Variants in FGF14 observed in about 807,000 individuals in gnomAD.
FGF14 encodes fibroblast growth factor homologous factor 4.
Under a neutral mutation model 25.5 loss-of-function variants are expected in FGF14, and 5 were observed. That is an observed-to-expected ratio of 0.20 (90% CI 0.10 to 0.41). FGF14 has a LOEUF of 0.41. Among genes scored for constraint, FGF14 ranks in the 10% least tolerant of loss-of-function variants. The pLI is 1.00. For synonymous variants in FGF14, 138 were observed against 118.3 expected, an observed-to-expected ratio of 1.17 and a Z score of -1.08; for missense variants, 222 against 320.1, an observed-to-expected ratio of 0.69 and a Z score of 2.34.
intron 1 of FGF14, among the ~76,000 whole-genome samples, chr13:102,305,294 T>TA (rs1255029294): frequency 3.3e-5 from 5 of 151,966 alleles, no homozygotes; most frequent in South Asian, 2.1e-4. Context: ...CTAACTAATT[T>TA]AAAAAAACAG....
intron 1 of FGF14, among the ~76,000 whole-genome samples, chr13:101,896,528 G>A (rs2030703404): frequency 6.6e-6 from 1 of 152,190 alleles, no homozygotes. Flanking sequence ...AAAACATAAT[G>A]AGAGGCAGCA....
chr13:102,346,299 A>G (rs2057103874), intron 1 of FGF14, among the ~76,000 whole-genome samples: 1 of 152,204 alleles, frequency 6.6e-6, no homozygotes, highest in Admixed American at 6.5e-5. Context: ...GGCTATTATA[A>G]ATATGTTCTA....
chr13:101,936,274 T>C (rs576390827), intron 1 of FGF14, among the ~76,000 whole-genome samples: 86 of 152,260 alleles, frequency 5.6e-4, no homozygotes, highest in Middle Eastern at 3.4e-3. Flanking sequence ...GGTCAAGAAG[T>C]GAAAAGAATT....
chr13:102,093,147 A>G lies in FGF14; in HGVS notation c.209-217851T>C, dbSNP rs561731923. Among the ~76,000 whole-genome samples the G allele has an allele frequency of 2.0e-4, 30 of 152,296 alleles. 2 individuals are homozygous for G. The South Asian group carries it at 6.2e-3, about 32-fold the overall frequency. On this transcript the variant is annotated intron_variant, in intron 1 of 4. Coordinates refer to the FGF14 transcript ENST00000376131. Reference sequence around the variant, plus strand: ...TTAGAAAAATTTGTGGAGATTTGTGAAAATTTGCAAAAACATGCAGAGAAA... The same window carrying G: ...TTAGAAAAATTTGTGGAGATTTGTGGAAATTTGCAAAAACATGCAGAGAAA...
chr13:102,203,230 A>G (rs761517517), intron 1 of FGF14, among the ~76,000 whole-genome samples: 1 of 152,238 alleles, frequency 6.6e-6, no homozygotes, highest in Non-Finnish European at 1.5e-5. Flanking sequence ...TGCATCTCCC[A>G]AGTGCATATC....
intron 1 of FGF14, among the ~76,000 whole-genome samples, chr13:102,200,618 T>C (rs2049572608): frequency 1.8e-5 from 1 of 56,396 alleles, no homozygotes; most frequent in Non-Finnish European, 3.3e-5. Context: ...CCCATTTGAT[T>C]GTTTTTTTTT....
intron 1 of FGF14, chr13:102,394,816 CACCCGGATTACCGAGG>C (rs1184118870): frequency 6.6e-6 from 1 of 152,412 alleles, no homozygotes; most frequent in African/African-American, 2.4e-5. Context: ...AACCCAGCTT[CACCCGGATTACCGAGG>C]GGTTCCACGC....
chr13:101,964,516 T>C (rs1180548687), intron 1 of FGF14, among the ~76,000 whole-genome samples: 2 of 152,158 alleles, frequency 1.3e-5, no homozygotes, highest in African/African-American at 4.8e-5. Context: ...ACACCCGTTT[T>C]TAGAGCCTCA....
chr13:102,168,103 T>C (rs1334336616), intron 1 of FGF14, among the ~76,000 whole-genome samples: 1 of 152,170 alleles, frequency 6.6e-6, no homozygotes, highest in Non-Finnish European at 1.5e-5. Flanking sequence ...TGACAGCCAT[T>C]CCTTAAACCT....
At chr13:102,301,595 C>T (rs2055055494) in intron 1 of FGF14, among the ~76,000 whole-genome samples, 1 of 152,058 alleles carries the variant, frequency 6.6e-6, no homozygotes, top group Non-Finnish European at 1.5e-5. Context: ...CTTGCCCTCT[C>T]ATCTTGCTTT....
rs186606177 is a variant in FGF14 at position 102,171,909 on chromosome 13, G to C, written c.208+229562C>G. The stretch of plus-strand genomic sequence containing the variant: ...TATTCTAGGTTTTTTTTTTTTTGCT[G>C]TTCTGTATATTTTTAAAGACATTTC... On this transcript the variant is annotated intron_variant, in intron 1 of 4. Coordinates refer to the FGF14 transcript ENST00000376131. 5.8e-3 allele frequency among the ~76,000 whole-genome samples: 847 copies of C among 146,814 alleles called. 3 individuals carry two copies. Among genetic ancestry groups the C allele is most frequent in the Non-Finnish European group, 9.9e-3 (660 of 66,796 alleles).
At chr13:102,017,501 T>C (rs1262394384) in intron 1 of FGF14, among the ~76,000 whole-genome samples, 2 of 152,182 alleles carry the variant, frequency 1.3e-5, no homozygotes, top group Non-Finnish European at 2.9e-5. Flanking sequence ...TCTTGTTCCT[T>C]GGTAGATTAT....
chr13:102,102,680 T>C (rs1269290058), intron 1 of FGF14, among the ~76,000 whole-genome samples: 2 of 152,228 alleles, frequency 1.3e-5, no homozygotes, highest in Non-Finnish European at 2.9e-5. Flanking sequence ...ATACCACTAC[T>C]GATAGTTTGA....
At chr13:101,876,976 T>G (rs1183978884) in intron 1 of FGF14, among the ~76,000 whole-genome samples, 1 of 152,146 alleles carries the variant, frequency 6.6e-6, no homozygotes, top group Non-Finnish European at 1.5e-5. Flanking sequence ...AAAAGAGAAT[T>G]TTTTATTATT....
chr13:101,768,179 C>T (rs562795840), intron 3 of FGF14, among the ~76,000 whole-genome samples: 103 of 151,740 alleles, frequency 6.8e-4, no homozygotes, highest in Middle Eastern at 3.4e-3. Flanking sequence ...TCTGAAAAGA[C>T]TGAATCAAGC....
chr13:101,831,094 A>G (rs1352757382), intron 3 of FGF14, among the ~76,000 whole-genome samples: 1 of 151,966 alleles, frequency 6.6e-6, no homozygotes, highest in African/African-American at 2.4e-5. Context: ...AATAGGGTAC[A>G]TTTTGCCTTT....
At chr13:102,273,761 T>C (rs771221595) in intron 1 of FGF14, among the ~76,000 whole-genome samples, 3 of 151,994 alleles carry the variant, frequency 2.0e-5, no homozygotes, top group Admixed American at 6.6e-5. Flanking sequence ...CCTGGCAACA[T>C]AGTGAGACTC....
intron 1 of FGF14, among the ~76,000 whole-genome samples, chr13:102,189,591 C>T (rs998865081): frequency 3.3e-5 from 5 of 152,098 alleles, no homozygotes; most frequent in Admixed American, 2.0e-4. Context: ...AAGGTCATGC[C>T]ATAAGCCCAA....
chr13:101,904,868 C>T (rs1379273074), intron 1 of FGF14, among the ~76,000 whole-genome samples: 3 of 152,150 alleles, frequency 2.0e-5, no homozygotes, highest in African/African-American at 4.8e-5. Flanking sequence ...CTCATGAGTG[C>T]CATATTCTTG....
Sources: gnomAD v4.1 joint callset for allele counts (sites outside exome capture counted in the v4.1 genomes callset) on GRCh38, gnomAD v4.1.1 for gene constraint, MANE v1.5 for transcripts, NCBI Gene and HGNC (gene_info 2026-07-23, HGNC 2026-07-21) for gene names.